Variants in LRFN5 observed in about 807,000 individuals in gnomAD.
LRFN5 encodes leucine rich repeat and fibronectin type III domain containing 5.
A neutral mutation model predicts 45.6 loss-of-function variants in LRFN5; 24 were observed. The observed-to-expected ratio is 0.53, with a 90% CI of 0.38 to 0.74. LRFN5 has a LOEUF of 0.74. Ranked by LOEUF, LRFN5 falls within the 30% of genes least tolerant of loss-of-function variation. LRFN5 has a pLI of 0.00. For synonymous variants in LRFN5, 340 were observed against 313.8 expected (o/e 1.08, Z -0.88); for missense variants, 776 against 861.5 (o/e 0.90, Z 1.24).
chr14:41,677,048 T>G (rs971048711), intron 1 of LRFN5, among the ~76,000 whole-genome samples: 5 of 152,094 alleles, frequency 3.3e-5, no homozygotes, highest in Admixed American at 2.0e-4. Flanking sequence ...AAACATAAGT[T>G]TTGACCAGTA....
intron 2 of LRFN5, among the ~76,000 whole-genome samples, chr14:41,791,941 T>C (rs1886936150): frequency 1.3e-5 from 2 of 152,156 alleles, no homozygotes; most frequent in South Asian, 2.1e-4. Flanking sequence ...CTATCCATTA[T>C]GGTTGAATAA....
At position 41,813,670 on chromosome 14, in the gene LRFN5, T is replaced by C. The variant is rs1274923206; in HGVS notation, c.-21+46641T>C. Among the ~76,000 whole-genome samples the C allele has an allele frequency of 3.3e-5, 5 of 152,300 alleles. 1 individual carries two copies. The highest frequency in any genetic ancestry group is 3.3e-4 in the Admixed American group (5 of 15,280). On this transcript the variant is annotated intron_variant, in intron 2 of 5. Coordinates refer to ENST00000298119, the MANE Select transcript of LRFN5 (RefSeq NM_152447.5). Reference sequence around the variant, plus strand: ...ATAAACATATGTGTGCGTGTGTCTTTACAGTAGAATGATTTATAAAACCTT... The same window carrying C: ...ATAAACATATGTGTGCGTGTGTCTTCACAGTAGAATGATTTATAAAACCTT...
chr14:41,838,032 T>C (rs140884600), intron 2 of LRFN5, among the ~76,000 whole-genome samples: 50 of 152,288 alleles, frequency 3.3e-4, no homozygotes, highest in African/African-American at 1.2e-3. Flanking sequence ...TAGACCTGAT[T>C]TGTGTGGTTT....
chr14:41,752,639 A>T (rs1885187080), intron 1 of LRFN5, among the ~76,000 whole-genome samples: 1 of 152,094 alleles, frequency 6.6e-6, no homozygotes, highest in South Asian at 2.1e-4. Context: ...AATTTGTTTC[A>T]GTTCATTGTA....
intron 2 of LRFN5, among the ~76,000 whole-genome samples, chr14:41,878,260 T>C (rs1371161595): frequency 6.6e-6 from 1 of 152,104 alleles, no homozygotes; most frequent in Non-Finnish European, 1.5e-5. Context: ...TTAACATTTG[T>C]CCCCAGACAT....
intron 4 of LRFN5, among the ~76,000 whole-genome samples, chr14:41,896,416 A>G (rs889878292): frequency 3.9e-5 from 6 of 152,296 alleles, no homozygotes; most frequent in South Asian, 2.1e-4. Context: ...TTAACAATGT[A>G]TGCTTCTGTG....
chr14:41,803,048 C>T (rs892903926), intron 2 of LRFN5, among the ~76,000 whole-genome samples: 5 of 152,074 alleles, frequency 3.3e-5, no homozygotes, highest in African/African-American at 1.2e-4. Flanking sequence ...CAAAGTGAAG[C>T]TCTTGACCTA....
At chr14:41,771,195 C>T (rs1022497077) in intron 2 of LRFN5, among the ~76,000 whole-genome samples, 3 of 150,212 alleles carry the variant, frequency 2.0e-5, no homozygotes, top group Non-Finnish European at 4.5e-5. Flanking sequence ...TCCTGGGCCT[C>T]TGGCCCTGGA....
chr14:41,632,133 C>T (rs1888556368), intron 1 of LRFN5, among the ~76,000 whole-genome samples: 1 of 151,468 alleles, frequency 6.6e-6, no homozygotes, highest in Non-Finnish European at 1.5e-5. Flanking sequence ...TAAGGAAGTA[C>T]GTATAAAGGG....
At chr14:41,721,941 A>C (rs1883732641) in intron 1 of LRFN5, among the ~76,000 whole-genome samples, 1 of 152,066 alleles carries the variant, frequency 6.6e-6, no homozygotes, top group Non-Finnish European at 1.5e-5. Context: ...AATTTTCTTG[A>C]ATTAATCCCT....
chr14:41,650,985 T>TA (rs1200314373), intron 1 of LRFN5, among the ~76,000 whole-genome samples: 1 of 151,724 alleles, frequency 6.6e-6, no homozygotes, highest in Non-Finnish European at 1.5e-5. Flanking sequence ...ACCAAAATCT[T>TA]ACAAAAAAGA....
intron 2 of LRFN5, among the ~76,000 whole-genome samples, chr14:41,784,162 T>C (rs1886635387): frequency 6.6e-6 from 1 of 152,160 alleles, no homozygotes. Context: ...TTATTTATAT[T>C]AGATACTTGA....
At chr14:41,713,288 G>C (rs1173915652) in intron 1 of LRFN5, among the ~76,000 whole-genome samples, 2 of 151,994 alleles carry the variant, frequency 1.3e-5, no homozygotes, top group African/African-American at 2.4e-5. Flanking sequence ...TAATGTAAGG[G>C]AAAATTTTAG....
intron 2 of LRFN5, 38 bp downstream of exon 2, chr14:41,767,067 G>A (rs1594690437): frequency 6.6e-6 from 1 of 152,594 alleles, no homozygotes; most frequent in South Asian, 2.1e-4. Flanking sequence ...TTGTCAGTGG[G>A]TTTAAAACAC....
chr14:41,614,907 G>T (rs746889492), intron 1 of LRFN5, among the ~76,000 whole-genome samples: 2 of 151,906 alleles, frequency 1.3e-5, no homozygotes, highest in Non-Finnish European at 2.9e-5. Flanking sequence ...GGTAATAATC[G>T]TATGGCTTCA....
At position 41,886,702 on chromosome 14, in the gene LRFN5, G is replaced by A; in HGVS notation, c.77G>A (p.Cys26Tyr). ...CAGATCTGTCCAAAGCGTTGTGTCT[G>A]TCAGATTTTGTCTCCTAATCTTGCA... ...KAQICPKRCV[C>Y]QILSPNLATL... Residue 26 changes from cysteine (C) to tyrosine (Y), a missense_variant, in exon 3 of 6, where the codon TGT becomes TAT. Physicochemically the swap from Cys to Tyr is radical, Grantham distance 194. This residue lies in a region of LRFN5 where 311 missense variants were observed against 405.1 expected (regional missense o/e 0.77). Coordinates refer to ENST00000298119, the MANE Select transcript of LRFN5 (RefSeq NM_152447.5). 6.2e-7 allele frequency: 1 copy of A among 1,614,074 alleles called. No individual in the cohort carries two copies. The highest frequency in any genetic ancestry group is 8.5e-7 in the Non-Finnish European group (1 of 1,180,008).
At chr14:41,630,600 G>A (rs1004232767) in intron 1 of LRFN5, among the ~76,000 whole-genome samples, 82 of 152,104 alleles carry the variant, frequency 5.4e-4, no homozygotes, top group African/African-American at 1.9e-3. Flanking sequence ...ATGAAACATT[G>A]AGTAGAATTT....
At chr14:41,893,918 G>A (rs775527238) in intron 4 of LRFN5, 17 of 985,094 alleles carry the variant, frequency 1.7e-5, no homozygotes, top group South Asian at 4.7e-5. Context: ...ACATGTGGTC[G>A]TAGTTTGCGA....
chr14:41,700,089 C>G (rs182859772), intron 1 of LRFN5: 2 of 151,904 alleles, frequency 1.3e-5, no homozygotes, highest in African/African-American at 4.8e-5. Flanking sequence ...GAATTTGTGG[C>G]GGGCAAGGTA....
Sources: gnomAD v4.1 joint callset for allele counts (sites outside exome capture counted in the v4.1 genomes callset) on GRCh38, gnomAD v4.1.1 for gene constraint, gnomAD v4.1.1 regional missense constraint, MANE v1.5 for transcripts, NCBI Gene and HGNC (gene_info 2026-07-23, HGNC 2026-07-21) for gene names.